The following SMCHD1 variants were observed in gnomAD, a reference collection of about 807,000 sequenced individuals.
SMCHD1 encodes structural maintenance of chromosomes flexible hinge domain containing 1, also known as structural maintenance of chromosomes flexible hinge domain-containing protein 1.
Under a neutral mutation model 254.7 loss-of-function variants are expected in SMCHD1, and 78 were observed. That is an observed-to-expected ratio of 0.31 (90% CI 0.26 to 0.37). The LOEUF (loss-of-function observed/expected upper bound fraction) is 0.37, where lower values mean the gene tolerates loss of function less well. Among genes scored for constraint, SMCHD1 ranks in the 10% least tolerant of loss-of-function variants. SMCHD1 has a pLI of 1.00. For missense variants in SMCHD1, 1,840 were observed against 2,408.1 expected (o/e 0.76, Z 4.94); for synonymous variants, 766 against 794.9 (o/e 0.96, Z 0.61).
At chr18:2,698,197 G>T (rs915002587) in intron 10 of SMCHD1, among the ~76,000 whole-genome samples, 156 bp downstream of exon 10, 1 of 152,056 alleles carries the variant, frequency 6.6e-6, no homozygotes, top group Non-Finnish European at 1.5e-5. Context: ...TGTAATTTTT[G>T]TAATTCCTGA....
At chr18:2,758,970 A>G (rs2075732363) in intron 34 of SMCHD1, among the ~76,000 whole-genome samples, 1 of 152,078 alleles carries the variant, frequency 6.6e-6, no homozygotes, top group Non-Finnish European at 1.5e-5. Context: ...AACTATCTTC[A>G]GTTAACTAAT....
chr18:2,709,228 A>ACG (rs1555635605), intron 17 of SMCHD1, among the ~76,000 whole-genome samples: 4 of 108,910 alleles, frequency 3.7e-5, no homozygotes, highest in Non-Finnish European at 7.8e-5. Context: ...ATATGTGTAT[A>ACG]TGTGTATATA....
In SMCHD1 at chr18:2,656,185, A is replaced by G. The variant is rs773867507; in HGVS notation, c.110A>G (p.Glu37Gly). ...TACTTGTTTGATCGGCGCGAAAAGG[A>G]GTCCGAGCTCGGGGACCGGCCTCTG... is the stretch of plus-strand genomic sequence containing the variant. The part of the protein sequence containing the change: ...TVYLFDRREK[E>G]SELGDRPLQV... The change falls in exon 1 of 48, where the codon GAG becomes GGG. Residue 37 changes from glutamate (E) to glycine (G), a missense_variant. By Grantham distance (98) the Glu-to-Gly change is moderately conservative. Transcript: ENST00000320876. The G allele has an allele frequency of 6.6e-7, 1 of 1,506,416 alleles. No individual in the cohort carries two copies. The highest frequency in any genetic ancestry group is 1.3e-5 in the South Asian group (1 of 76,694). 93.3% of individuals were successfully genotyped at this position (1,506,416 alleles called of 1,614,324 possible). A position where few individuals can be genotyped will look rare whatever the true frequency, so the allele number is the denominator to read the frequency against.
Position 2,762,112 on chromosome 18 carries a change from T to C in SMCHD1, c.4442T>C (p.Val1481Ala). Residue 1481 changes from valine to alanine, a missense_variant, in exon 36 of 48, where the codon GTT becomes GCT. Physicochemically the swap from Val to Ala is moderately conservative, Grantham distance 64. This residue lies in a region of SMCHD1 where 881 missense variants were observed against 1,009.5 expected (regional missense o/e 0.87). Coordinates refer to ENST00000320876, the MANE Select transcript of SMCHD1 (RefSeq NM_015295.3). ...TCTCTTTTGTTTTGTAAGGTTATAG[T>C]TGAAGTCCTGCCTAATCAACCTGTG... ...TNILNSEQVI[V>A]EVLPNQPVKL... 1 of 1,613,370 alleles carries C rather than the reference T, an allele frequency of 6.2e-7. No individual in the cohort carries two copies.
At position 2,738,564 on chromosome 18, in the gene SMCHD1, T is replaced by C; in HGVS notation, c.3425+19T>C. 1.3e-6 allele frequency: 2 copies of C among 1,589,640 alleles called. No individual in the cohort carries two copies. Among genetic ancestry groups the C allele is most frequent in the South Asian group, 1.1e-5 (1 of 87,620 alleles). On this transcript the variant is annotated intron_variant, in intron 26 of 47. Coordinates refer to ENST00000320876, the MANE Select transcript of SMCHD1 (RefSeq NM_015295.3). The stretch of plus-strand genomic sequence containing the variant: ...CAGTAAGGTTTGTGGACTCATTATA[T>C]TTTGCAGCCTATGGCAACAAAATAC...
intron 7 of SMCHD1, among the ~76,000 whole-genome samples, chr18:2,693,915 G>A (rs2143112012): frequency 6.6e-6 from 1 of 152,298 alleles, no homozygotes; most frequent in African/African-American, 2.4e-5. Flanking sequence ...ACGGGAGTGA[G>A]CTACCACGCC....
At chr18:2,786,640 C>T (rs1050719849) in intron 45 of SMCHD1, among the ~76,000 whole-genome samples, 2 of 151,888 alleles carry the variant, frequency 1.3e-5, no homozygotes, top group African/African-American at 2.4e-5. Flanking sequence ...TGCAGTGAGC[C>T]GAGATTGTGC....
chr18:2,673,098 T>C (rs1050140400), intron 3 of SMCHD1, 183 bp from the exon 4 acceptor site: 7 of 985,276 alleles, frequency 7.1e-6, no homozygotes, highest in African/African-American at 1.7e-5. Context: ...TGATGACTGC[T>C]TTTTTGATGC....
Position 2,700,748 on chromosome 18 carries a change from A to T in SMCHD1, c.1477A>T (p.Thr493Ser). The T allele has an allele frequency of 6.2e-7, 1 of 1,610,482 alleles. No homozygotes were observed. The highest frequency in any genetic ancestry group is 8.5e-7 in the Non-Finnish European group (1 of 1,178,288). Reference protein sequence around the residue: ...YTSVEDFDWCTPPKKRGLAPI... With the variant: ...YTSVEDFDWCSPPKKRGLAPI... ...GTTCTGTTCAAGCTTTGACTGGTGTACTCCTCCTAAGAAGAGAGGGCTTGC... is the reference window on the plus strand; with the variant it reads ...GTTCTGTTCAAGCTTTGACTGGTGTTCTCCTCCTAAGAAGAGAGGGCTTGC... The change falls in exon 12 of 48, where the codon ACT becomes TCT. Residue 493 changes from threonine (T) to serine (S), a missense_variant. Transcript: ENST00000320876.
chr18:2,705,114 A>G (rs185679012), intron 13 of SMCHD1, among the ~76,000 whole-genome samples: 1 of 152,286 alleles, frequency 6.6e-6, no homozygotes, highest in Admixed American at 6.5e-5. Context: ...GCAAGTAGTA[A>G]GAGTTGGGTT....
At chr18:2,690,958 GAAAA>G in intron 7 of SMCHD1, among the ~76,000 whole-genome samples, 1 of 134,140 alleles carries the variant, frequency 7.5e-6, no homozygotes, top group East Asian at 2.1e-4. Context: ...TTTGATAATT[GAAAA>G]AAAAAAAAAA....
intron 17 of SMCHD1, among the ~76,000 whole-genome samples, chr18:2,717,234 G>A (rs2074821142): frequency 1.3e-5 from 2 of 152,218 alleles, no homozygotes; most frequent in Non-Finnish European, 1.5e-5. Flanking sequence ...GGGCCAAGGA[G>A]CTCCCAGCTG....
At chr18:2,735,376 A>G (rs1326065758) in intron 25 of SMCHD1, among the ~76,000 whole-genome samples, 2 of 152,168 alleles carry the variant, frequency 1.3e-5, no homozygotes, top group African/African-American at 4.8e-5. Context: ...GAGAACTGGA[A>G]CAAGACAAGG....
intron 3 of SMCHD1, among the ~76,000 whole-genome samples, chr18:2,671,601 T>TC (rs202242047): frequency 0.018 from 2,715 of 147,386 alleles, 44 homozygotes; most frequent in Middle Eastern, 0.1. Flanking sequence ...TTTTCTTTTT[T>TC]TTTTTTTTTT....
intron 27 of SMCHD1, among the ~76,000 whole-genome samples, chr18:2,740,095 C>T (rs1464562071): frequency 6.6e-6 from 1 of 151,518 alleles, no homozygotes; most frequent in African/African-American, 2.4e-5. Context: ...GCCCCGACTC[C>T]CCGACAGGCC....
chr18:2,696,053 C>T (rs138431797), intron 8 of SMCHD1, among the ~76,000 whole-genome samples: 96 of 152,218 alleles, frequency 6.3e-4, no homozygotes, highest in African/African-American at 2.2e-3. Flanking sequence ...TTCTATTTCA[C>T]GAATAAAGAC....
chr18:2,662,032 G>T (rs534674253), intron 1 of SMCHD1, among the ~76,000 whole-genome samples: 2 of 144,182 alleles, frequency 1.4e-5, no homozygotes, highest in Non-Finnish European at 3.0e-5. Flanking sequence ...GGTGGCAGGC[G>T]CCTGTAGTCC....
intron 7 of SMCHD1, among the ~76,000 whole-genome samples, chr18:2,692,484 T>C (rs2074201878): frequency 6.6e-6 from 1 of 152,226 alleles, no homozygotes; most frequent in Non-Finnish European, 1.5e-5. Flanking sequence ...CCACTAGCCA[T>C]GCAGTTAAAG....
chr18:2,755,331 C>G (rs2075652313), intron 34 of SMCHD1, among the ~76,000 whole-genome samples: 1 of 151,952 alleles, frequency 6.6e-6, no homozygotes, highest in Non-Finnish European at 1.5e-5. Flanking sequence ...CACCACCACA[C>G]TTGGTTGATT....
Sources: allele counts gnomAD v4.1 joint callset (sites outside exome capture counted in the v4.1 genomes callset), GRCh38; gene constraint gnomAD v4.1.1; regional missense constraint gnomAD v4.1.1; transcripts MANE v1.5; gene names NCBI Gene and HGNC (gene_info 2026-07-23, HGNC 2026-07-21).